The following STK17B variants were observed in gnomAD, a reference collection of about 807,000 sequenced individuals.
The protein encoded by STK17B is serine/threonine kinase 17b.
Under a neutral mutation model 42.0 loss-of-function variants are expected in STK17B, and 21 were observed. The observed-to-expected ratio is 0.50, with a 90% CI of 0.35 to 0.72. The LOEUF (loss-of-function observed/expected upper bound fraction) is 0.72. Among genes scored for constraint, STK17B ranks in the 30% least tolerant of loss-of-function variants. The pLI, the probability that STK17B is intolerant of heterozygous loss-of-function variation, is 0.00. For synonymous variants in STK17B, 143 were observed against 148.4 expected (o/e 0.96, Z 0.26); for missense variants, 349 against 446.0 (o/e 0.78, Z 1.96).
Position 196,146,049 on chromosome 2 carries a change from T to A in STK17B, c.342A>T (p.Ala114=), listed in dbSNP as rs532047612. The change falls in exon 4 of 8, where the codon GCA becomes GCT. Residue 114 remains alanine, a synonymous_variant. Coordinates refer to ENST00000263955, the MANE Select transcript of STK17B (RefSeq NM_004226.4). The part of the protein sequence containing the change: ...SEIILILEYA[A]GGEIFSLCLP... ...AACACAGGCTGAAAATTTCTCCACC[T>A]GCAGCACTAAAATAAAATTCAAAGA... is the stretch of plus-strand genomic sequence containing the variant. 30 of 1,581,894 alleles carry A rather than the reference T, an allele frequency of 1.9e-5. 1 individual carries two copies. Among genetic ancestry groups the A allele is most frequent in the Admixed American group, 2.0e-5 (1 of 49,526 alleles).
At chr2:196,154,664 G>C (rs947082924) in intron 3 of STK17B, 1 of 152,204 alleles carries the variant, frequency 6.6e-6, no homozygotes. Context: ...AATTGACTGG[G>C]TGATAGTTAT....
At chr2:196,169,825 C>A (rs1276758651) in intron 1 of STK17B, among the ~76,000 whole-genome samples, 1 of 152,010 alleles carries the variant, frequency 6.6e-6, no homozygotes, top group Non-Finnish European at 1.5e-5. Flanking sequence ...TACAGAAATT[C>A]TACTTTTAAA....
intron 2 of STK17B, 47 bp downstream of exon 2, chr2:196,163,215 T>A (rs1699835066): frequency 6.3e-7 from 1 of 1,594,424 alleles, no homozygotes; most frequent in Non-Finnish European, 8.5e-7. Context: ...AAAACACAAA[T>A]CCAAAATTTG....
At chr2:196,143,370 A>C (rs752818730) in intron 5 of STK17B, among the ~76,000 whole-genome samples, 190 bp downstream of exon 5, 1 of 139,290 alleles carries the variant, frequency 7.2e-6, no homozygotes, top group Non-Finnish European at 1.6e-5. Flanking sequence ...AATTGCTGTA[A>C]ATGTTTCATA....
intron 3 of STK17B, 126 bp from the exon 4 acceptor site, chr2:196,146,181 G>T: frequency 9.6e-7 from 1 of 1,039,812 alleles, no homozygotes; most frequent in Non-Finnish European, 1.3e-6. Flanking sequence ...TTAAAAATAG[G>T]GCAGGGAAGT....
In STK17B at chr2:196,169,681, T is replaced by A. The variant is rs374898675; in HGVS notation, c.-45+1652A>T. 5.8e-4 allele frequency among the ~76,000 whole-genome samples: 88 copies of A among 152,326 alleles called. 1 individual carries two copies. In the South Asian group the frequency reaches 0.018, roughly 31 times the overall value. ...TTCTTCAAATTTGTTACTCATATGC[T>A]AACACAGCGATTAGTCAAACCTCCA... On this transcript the variant is annotated intron_variant, in intron 1 of 7. Coordinates refer to ENST00000263955, the MANE Select transcript of STK17B (RefSeq NM_004226.4).
At chr2:196,172,576 G>C (rs1329300558), upstream of STK17B, among the ~76,000 whole-genome samples, 1 of 152,182 alleles carries the variant, frequency 6.6e-6, no homozygotes, top group Non-Finnish European at 1.5e-5. Flanking sequence ...TTCTATCCCA[G>C]TAAGCCAAGC....
rs1398908117 is a variant in STK17B at position 196,171,494 on chromosome 2, G to A, written c.-206C>T. ...ATCCACTTTTACTTTTCCAGACAAG[G>A]GCCGACGGTTGTGACCTGGCTTCTC... On this transcript the variant is annotated 5_prime_UTR_variant, in exon 1 of 8. Transcript: ENST00000263955. 6.6e-6 allele frequency: 1 copy of A among 152,282 alleles called. No individual in the cohort carries two copies. The highest frequency in any genetic ancestry group is 1.5e-5 in the Non-Finnish European group (1 of 68,090). 9.4% of individuals were successfully genotyped at this position (152,282 alleles called of 1,614,324 possible).
At position 196,134,569 on chromosome 2, in the gene STK17B, G is replaced by A. The variant is rs372265368; in HGVS notation, c.*2878C>T. 1.3e-5 allele frequency: 2 copies of A among 152,118 alleles called. No homozygotes were observed. The highest frequency in any genetic ancestry group is 2.4e-5 in the African/African-American group (1 of 41,404). The allele number at this position is 152,118 out of a possible 1,614,324, so 9.4% of individuals were successfully genotyped here. On this transcript the variant is annotated 3_prime_UTR_variant, in exon 8 of 8. Coordinates refer to ENST00000263955, the MANE Select transcript of STK17B (RefSeq NM_004226.4). ...CCTAGTGCCAAAACAGTTGGAGATC[G>A]CTCCACTAGAGAACAGTTAACGGCT...
intron 2 of STK17B, among the ~76,000 whole-genome samples, chr2:196,157,544 C>G (rs1699755717): frequency 6.6e-6 from 1 of 152,170 alleles, no homozygotes; most frequent in Non-Finnish European, 1.5e-5. Flanking sequence ...CAATATGTCT[C>G]TTAGTAATGC....
chr2:196,157,867 T>C (rs1319330000), intron 2 of STK17B, among the ~76,000 whole-genome samples: 1 of 152,176 alleles, frequency 6.6e-6, no homozygotes, highest in African/African-American at 2.4e-5. Flanking sequence ...CAAGGATTAT[T>C]TTGGGAAATT....
At chr2:196,170,382 A>C (rs1699924522) in intron 1 of STK17B, among the ~76,000 whole-genome samples, 1 of 152,242 alleles carries the variant, frequency 6.6e-6, no homozygotes, top group African/African-American at 2.4e-5. Flanking sequence ...TTACGTCGAC[A>C]AAACAATCGG....
chr2:196,146,158 T>A lies in STK17B; in HGVS notation c.336-103A>T, dbSNP rs1051849785. 49 of 1,211,926 alleles carry A rather than the reference T, an allele frequency of 4.0e-5. 1 individual carries two copies. Among genetic ancestry groups the A allele is most frequent in the Non-Finnish European group, 5.1e-5 (47 of 916,892 alleles). 75.1% of individuals were successfully genotyped at this position (1,211,926 alleles called of 1,614,324 possible). A position where few individuals can be genotyped will look rare whatever the true frequency, so the allele number is the denominator to read the frequency against. On this transcript the variant is annotated intron_variant, in intron 3 of 7. Transcript: ENST00000263955. ...AAAAGACATACAACTATATAAATGT[T>A]AATACGTTACACTTAAAAATAGGGC... is the stretch of plus-strand genomic sequence containing the variant.
At chr2:196,164,423 T>C (rs949220126) in intron 1 of STK17B, among the ~76,000 whole-genome samples, 25 of 152,338 alleles carry the variant, frequency 1.6e-4, no homozygotes, top group African/African-American at 5.1e-4. Context: ...ATCTGGAAAT[T>C]TGTGATGTTT....
In STK17B at chr2:196,156,434, C is replaced by T. The variant is rs1410699378; in HGVS notation, c.335+5G>A. 1 of 1,601,018 alleles carries T rather than the reference C, an allele frequency of 6.2e-7. No individual in the cohort carries two copies. On this transcript the variant is annotated splice_donor_5th_base_variant and intron_variant, in intron 3 of 7. Coordinates refer to ENST00000263955, the MANE Select transcript of STK17B (RefSeq NM_004226.4). Reference sequence around the variant, plus strand: ...TAAAATAGGTACTATTTAGTATATACTTACTATTCCAATATCAAAATGATT... The same window carrying T: ...TAAAATAGGTACTATTTAGTATATATTTACTATTCCAATATCAAAATGATT...
intron 1 of STK17B, among the ~76,000 whole-genome samples, chr2:196,169,891 A>G (rs1050798982): frequency 5.3e-5 from 6 of 112,666 alleles, no homozygotes; most frequent in African/African-American, 1.9e-4. Flanking sequence ...CCTACTTTAG[A>G]AAAAAAAAAA....
At position 196,154,157 on chromosome 2, in the gene STK17B, C is replaced by T. The variant is rs537713321; in HGVS notation, c.335+2282G>A. On this transcript the variant is annotated intron_variant, in intron 3 of 7. Coordinates refer to ENST00000263955, the MANE Select transcript of STK17B (RefSeq NM_004226.4). ...GCTGAGGCAGGGCAATCGCTTGAAC[C>T]CAGGAGGCAGAGGTTGCAGTAAGCT... The T allele has an allele frequency of 5.9e-5, 9 of 152,242 alleles. No individual in the cohort carries two copies. In the East Asian group the frequency reaches 1.2e-3, roughly 20 times the overall value. 9.4% of individuals were successfully genotyped at this position (152,242 alleles called of 1,614,324 possible). A position where few individuals can be genotyped will look rare whatever the true frequency, so the allele number is the denominator to read the frequency against.
chr2:196,172,006 C>T (rs1348834355), upstream of STK17B, among the ~76,000 whole-genome samples: 1 of 152,200 alleles, frequency 6.6e-6, no homozygotes, highest in Non-Finnish European at 1.5e-5. Context: ...TCAGTGCCTA[C>T]CAAAGACCTA....
At chr2:196,142,665 C>G (rs952368564) in intron 5 of STK17B, among the ~76,000 whole-genome samples, 2 of 152,202 alleles carry the variant, frequency 1.3e-5, no homozygotes, top group African/African-American at 4.8e-5. Context: ...TTCTGTTAAA[C>G]CACCTACATT....
Sources: allele counts gnomAD v4.1 joint callset (sites outside exome capture counted in the v4.1 genomes callset), GRCh38; gene constraint gnomAD v4.1.1; transcripts MANE v1.5; gene names NCBI Gene and HGNC (gene_info 2026-07-23, HGNC 2026-07-21).